The following TAOK3 variants were observed in gnomAD, a reference collection of about 807,000 sequenced individuals.
TAOK3 encodes TAO kinase 3.
In TAOK3, 40 loss-of-function variants were observed where a neutral mutation model predicts 120.4. That is an observed-to-expected ratio of 0.33 (90% confidence interval 0.26 to 0.43). The LOEUF (loss-of-function observed/expected upper bound fraction) is 0.43, where lower values mean the gene tolerates loss of function less well. TAOK3 is among the 20% of genes least tolerant of loss of function. The pLI, the probability that TAOK3 is intolerant of heterozygous loss-of-function variation, is 1.00. For synonymous variants in TAOK3, 355 were observed against 387.5 expected (o/e 0.92, Z 0.99); for missense variants, 821 against 1,112.1 (o/e 0.74, Z 3.72).
At chr12:118,250,424 C>T (rs993960586) in intron 3 of TAOK3, among the ~76,000 whole-genome samples, 4 of 152,182 alleles carry the variant, frequency 2.6e-5, no homozygotes, top group Non-Finnish European at 5.9e-5. Flanking sequence ...TCCCTGGCAG[C>T]ATTCAGTGTA....
At chr12:118,363,040 A>AG (rs1290960116) in intron 1 of TAOK3, among the ~76,000 whole-genome samples, 2 of 150,634 alleles carry the variant, frequency 1.3e-5, no homozygotes, top group Non-Finnish European at 3.0e-5. Flanking sequence ...AAAAAAAAAA[A>AG]AAAAGAAAAG....
At chr12:118,269,824 C>T (rs999997293) in intron 1 of TAOK3, among the ~76,000 whole-genome samples, 8 of 152,140 alleles carry the variant, frequency 5.3e-5, no homozygotes, top group African/African-American at 1.9e-4. Context: ...TACAATATTG[C>T]ATTGCTATTG....
rs1325525875 is a variant in TAOK3 at position 118,257,782 on chromosome 12, A to G, written c.-88-2127T>C. 7.2e-5 allele frequency among the ~76,000 whole-genome samples: 11 copies of G among 152,194 alleles called. No homozygotes were observed. The East Asian group carries it at 2.1e-3, about 29-fold the overall frequency. On this transcript the variant is annotated intron_variant, in intron 2 of 20. Transcript: ENST00000392533. Reference sequence around the variant, plus strand: ...TTCATAGTCTAGTTAGTTCACTAGTATACACAGGTCATCAACCTAAGGATC... The same window carrying G: ...TTCATAGTCTAGTTAGTTCACTAGTGTACACAGGTCATCAACCTAAGGATC...
In TAOK3 at chr12:118,255,808, C is replaced by T. The variant is rs968089331; in HGVS notation, c.-88-153G>A. 3.9e-5 allele frequency among the ~76,000 whole-genome samples: 6 copies of T among 152,136 alleles called. No individual in the cohort carries two copies. In the East Asian group the frequency reaches 5.8e-4, roughly 15 times the overall value. ...AATAAAGAATGGACATATGGCCGGG[C>T]GCGGTGGCTCATGCCTGTAATCCCG... is the stretch of plus-strand genomic sequence containing the variant. On this transcript the variant is annotated intron_variant, in intron 2 of 20. Coordinates refer to ENST00000392533, the MANE Select transcript of TAOK3 (RefSeq NM_016281.4).
At chr12:118,308,333 C>A (rs1363288722) in intron 1 of TAOK3, among the ~76,000 whole-genome samples, 1 of 152,088 alleles carries the variant, frequency 6.6e-6, no homozygotes, top group Non-Finnish European at 1.5e-5. Context: ...CAACCAGCAA[C>A]CCCCCGGGGC....
intron 16 of TAOK3, among the ~76,000 whole-genome samples, chr12:118,176,175 G>A (rs950231006): frequency 6.6e-6 from 1 of 152,202 alleles, no homozygotes; most frequent in Non-Finnish European, 1.5e-5. Flanking sequence ...AGGAGGAGAA[G>A]TAGGAATTAA....
At chr12:118,364,555 C>T (rs974683833) in intron 1 of TAOK3, among the ~76,000 whole-genome samples, 1 of 152,132 alleles carries the variant, frequency 6.6e-6, no homozygotes, top group Non-Finnish European at 1.5e-5. Context: ...CTATGAGATT[C>T]AGCAAATGAT....
chr12:118,225,579 T>A (rs1457722206), intron 9 of TAOK3, among the ~76,000 whole-genome samples: 1 of 152,194 alleles, frequency 6.6e-6, no homozygotes, highest in Non-Finnish European at 1.5e-5. Context: ...TGTGAATATT[T>A]ACTGACCATC....
chr12:118,254,148 T>C (rs2040878628), intron 3 of TAOK3, among the ~76,000 whole-genome samples: 2 of 152,224 alleles, frequency 1.3e-5, no homozygotes, highest in Non-Finnish European at 2.9e-5. Context: ...GTTTTTCTCA[T>C]CAGGAGATAG....
chr12:118,217,710 T>A (rs1277858601), intron 9 of TAOK3, among the ~76,000 whole-genome samples: 2 of 147,470 alleles, frequency 1.4e-5, no homozygotes, highest in Non-Finnish European at 3.0e-5. Flanking sequence ...TTAAAAAAAA[T>A]GAAATATAGT....
rs149484906 is a variant in TAOK3 at position 118,224,286 on chromosome 12, T to C, written c.643+9388A>G. ...ATTTTAAGGTAGATAGCACTAGAATTTCAAAATGAAAAGAAAAACTTTAGA... is the reference window on the plus strand; with the variant it reads ...ATTTTAAGGTAGATAGCACTAGAATCTCAAAATGAAAAGAAAAACTTTAGA... On this transcript the variant is annotated intron_variant, in intron 9 of 20. Transcript: ENST00000392533. Among the ~76,000 whole-genome samples the C allele has an allele frequency of 7.9e-4, 120 of 152,296 alleles. No homozygotes were observed. In the East Asian group the frequency reaches 0.02, roughly 25 times the overall value.
intron 1 of TAOK3, among the ~76,000 whole-genome samples, chr12:118,343,671 T>C (rs1180868662): frequency 6.6e-6 from 1 of 152,122 alleles, no homozygotes; most frequent in Non-Finnish European, 1.5e-5. Context: ...AATTTAAATA[T>C]GAGAATTTTT....
chr12:118,271,769 C>T (rs1213053220), intron 1 of TAOK3, among the ~76,000 whole-genome samples: 1 of 152,204 alleles, frequency 6.6e-6, no homozygotes, highest in African/African-American at 2.4e-5. Context: ...TTCCCTGTTC[C>T]ATTTCAATCT....
At chr12:118,334,345 T>C (rs2044275815) in intron 1 of TAOK3, among the ~76,000 whole-genome samples, 1 of 152,076 alleles carries the variant, frequency 6.6e-6, no homozygotes, top group African/African-American at 2.4e-5. Flanking sequence ...TTGAGAGCAT[T>C]ATACTAAGTG....
chr12:118,352,504 C>CA (rs112000881), intron 1 of TAOK3, among the ~76,000 whole-genome samples: 5,105 of 126,182 alleles, frequency 0.04, 288 homozygotes, highest in African/African-American at 0.13. Flanking sequence ...GACTCTGTCT[C>CA]AAAAAAAAAA....
intron 1 of TAOK3, among the ~76,000 whole-genome samples, chr12:118,288,952 AAGAT>A (rs1337463006): frequency 6.6e-6 from 1 of 151,390 alleles, no homozygotes; most frequent in Admixed American, 6.6e-5. Flanking sequence ...AAGAAAAAGA[AAGAT>A]AGCATGCTTA....
intron 1 of TAOK3, among the ~76,000 whole-genome samples, chr12:118,308,864 A>T (rs2043151071): frequency 8.0e-6 from 1 of 125,772 alleles, no homozygotes; most frequent in Non-Finnish European, 1.6e-5. Context: ...CAGGAGGCGG[A>T]GGTTGCAGTG....
chr12:118,283,741 AAAC>A (rs894227981), intron 1 of TAOK3: 123 of 204,850 alleles, frequency 6.0e-4, no homozygotes, highest in South Asian at 9.8e-4. Flanking sequence ...AAACAAAACA[AAAC>A]AACAACAACA....
chr12:118,240,741 G>C (rs1035628593), intron 5 of TAOK3, among the ~76,000 whole-genome samples: 10 of 151,914 alleles, frequency 6.6e-5, no homozygotes, highest in African/African-American at 2.4e-4. Context: ...ACACATGCAA[G>C]CATTCACACT....
Sources: gnomAD v4.1 joint callset for allele counts (sites outside exome capture counted in the v4.1 genomes callset) on GRCh38, gnomAD v4.1.1 for gene constraint, MANE v1.5 for transcripts, NCBI Gene and HGNC (gene_info 2026-07-23, HGNC 2026-07-21) for gene names.